FTO: variants seen among roughly 807,000 people sequenced by gnomAD.
The protein encoded by FTO is FTO alpha-ketoglutarate dependent dioxygenase.
In FTO, 47 loss-of-function variants were observed where a neutral mutation model predicts 63.9. The observed-to-expected ratio is 0.74, with a 90% CI of 0.58 to 0.94. The LOEUF (loss-of-function observed/expected upper bound fraction) is 0.94, where lower values mean the gene tolerates loss of function less well. Among genes scored for constraint, FTO ranks in the 40% least tolerant of loss-of-function variants. The pLI, the probability that FTO is intolerant of heterozygous loss-of-function variation, is 0.00. For synonymous variants in FTO, 207 were observed against 224.4 expected (o/e 0.92, Z 0.69); for missense variants, 562 against 618.1 (o/e 0.91, Z 0.96).
At chr16:53,788,221 T>C (rs559206267) in intron 1 of FTO, among the ~76,000 whole-genome samples, 63 of 151,894 alleles carry the variant, frequency 4.1e-4, no homozygotes, top group African/African-American at 1.5e-3. Context: ...TTGTAAATTC[T>C]TTCTCTTTCG....
intron 1 of FTO, among the ~76,000 whole-genome samples, chr16:53,801,376 T>C (rs563190565): frequency 6.6e-6 from 1 of 152,280 alleles, no homozygotes; most frequent in East Asian, 1.9e-4. Flanking sequence ...CTTTGGCCAT[T>C]GTGATGTTGC....
chr16:53,923,130 A>C (rs1161497492), intron 7 of FTO: 3 of 152,176 alleles, frequency 2.0e-5, no homozygotes, highest in Middle Eastern at 3.2e-3. Flanking sequence ...CATAAAGGCC[A>C]AAAAAAGGCT....
intron 7 of FTO, among the ~76,000 whole-genome samples, chr16:53,895,363 C>T (rs2081254121): frequency 6.6e-6 from 1 of 152,068 alleles, no homozygotes; most frequent in Admixed American, 6.6e-5. Context: ...AGGCTTAAGC[C>T]TCAAAAACAC....
At chr16:53,735,182 C>G (rs1227366163) in intron 1 of FTO, among the ~76,000 whole-genome samples, 1 of 152,216 alleles carries the variant, frequency 6.6e-6, no homozygotes, top group African/African-American at 2.4e-5. Context: ...GATATGGCCT[C>G]TGTTACCATG....
chr16:53,722,960 G>T (rs77088450), intron 1 of FTO, among the ~76,000 whole-genome samples: 5 of 152,032 alleles, frequency 3.3e-5, no homozygotes, highest in Non-Finnish European at 7.4e-5. Flanking sequence ...AAAGAGTTAT[G>T]TCTGAACCAC....
chr16:53,885,190 CCT>C (rs2050718893), intron 6 of FTO, among the ~76,000 whole-genome samples: 2 of 152,126 alleles, frequency 1.3e-5, no homozygotes, highest in African/African-American at 4.8e-5. Flanking sequence ...AGCTTTCCTT[CCT>C]AATTTCCAGA....
At chr16:54,014,809 AATT>A (rs2084398124) in intron 8 of FTO, among the ~76,000 whole-genome samples, 2 of 150,486 alleles carry the variant, frequency 1.3e-5, no homozygotes, top group Non-Finnish European at 2.9e-5. Flanking sequence ...AGGCATTTAA[AATT>A]ATTATTATTT....
chr16:53,868,779 A>T (rs959930969), intron 4 of FTO, among the ~76,000 whole-genome samples: 2 of 152,064 alleles, frequency 1.3e-5, no homozygotes, highest in African/African-American at 4.8e-5. Context: ...ACTAGCAACA[A>T]ATTCCCTGAA....
rs1429717228 is a variant in FTO at position 54,115,439 on chromosome 16, A to C, written c.*3524A>C. On this transcript the variant is annotated 3_prime_UTR_variant, in exon 9 of 9. Transcript: ENST00000471389. ...GGAAATAGACAGTAAGCAGCAAATCAATAACAAGAGTGTTCCAGATGGTTG... is the reference window on the plus strand; with the variant it reads ...GGAAATAGACAGTAAGCAGCAAATCCATAACAAGAGTGTTCCAGATGGTTG... 1 of 152,336 alleles carries C rather than the reference A, an allele frequency of 6.6e-6. No individual in the cohort carries two copies. Among genetic ancestry groups the C allele is most frequent in the Non-Finnish European group, 1.5e-5 (1 of 68,146 alleles). The allele number at this position is 152,336 out of a possible 1,614,324, so 9.4% of individuals were successfully genotyped here.
chr16:53,790,760 G>A (rs1722515401), intron 1 of FTO, among the ~76,000 whole-genome samples: 2 of 152,058 alleles, frequency 1.3e-5, no homozygotes, highest in Non-Finnish European at 2.9e-5. Flanking sequence ...CAGAGTTATC[G>A]GTAATGAACT....
chr16:54,011,972 A>G (rs1330333723), intron 8 of FTO, among the ~76,000 whole-genome samples: 1 of 152,228 alleles, frequency 6.6e-6, no homozygotes, highest in East Asian at 1.9e-4. Flanking sequence ...TAATAAAGTT[A>G]TAGCGTCCTC....
chr16:53,799,386 A>C (rs2078162446), intron 1 of FTO, among the ~76,000 whole-genome samples: 1 of 152,162 alleles, frequency 6.6e-6, no homozygotes, highest in Non-Finnish European at 1.5e-5. Context: ...GTCTACTAAA[A>C]AGGGGCTATC....
At chr16:53,703,998 C>G (rs946165715), upstream of FTO, 5 of 680,404 alleles carry the variant, frequency 7.3e-6, no homozygotes, top group Non-Finnish European at 1.3e-5. Flanking sequence ...GGGAAATTCT[C>G]CTGTGCTAAA....
At chr16:53,897,774 A>T (rs1243203620) in intron 7 of FTO, among the ~76,000 whole-genome samples, 1 of 152,150 alleles carries the variant, frequency 6.6e-6, no homozygotes, top group African/African-American at 2.4e-5. Flanking sequence ...ATCCAGTAAT[A>T]AATATCTCAA....
intron 8 of FTO, among the ~76,000 whole-genome samples, chr16:54,053,662 T>G (rs1279516051): frequency 2.0e-5 from 3 of 152,200 alleles, no homozygotes; most frequent in Non-Finnish European, 4.4e-5. Context: ...TCAACATTTG[T>G]TGGGCTCCAA....
At position 53,911,341 on chromosome 16, in the gene FTO, G is replaced by A. The variant is rs1319636107; in HGVS notation, c.1239+22390G>A. 8 of 702,586 alleles carry A rather than the reference G, an allele frequency of 1.1e-5. No individual in the cohort carries two copies. The South Asian group carries it at 1.2e-4, about 10-fold the overall frequency. The allele number at this position is 702,586 out of a possible 1,614,324, so 43.5% of individuals were successfully genotyped here. A position where few individuals can be genotyped will look rare whatever the true frequency, so the allele number is the denominator to read the frequency against. On this transcript the variant is annotated intron_variant, in intron 7 of 8. Coordinates refer to ENST00000471389, the MANE Select transcript of FTO (RefSeq NM_001080432.3). ...GTCAGTGGAACAGCCAGAGATAGCA[G>A]CGAGAGAGGTGAGAAGAGGACCAGG...
intron 8 of FTO, among the ~76,000 whole-genome samples, chr16:54,073,006 G>T (rs1270802757): frequency 6.6e-6 from 1 of 152,188 alleles, no homozygotes; most frequent in African/African-American, 2.4e-5. Flanking sequence ...AAGAGAGAAG[G>T]ACCTTATTAG....
rs1254596324 is a variant in FTO at position 54,111,814 on chromosome 16, C to T, written c.1417C>T (p.Arg473Trp). 2 of 1,614,090 alleles carry T rather than the reference C, an allele frequency of 1.2e-6. No homozygotes were observed. Among genetic ancestry groups the T allele is most frequent in the Non-Finnish European group, 1.7e-6 (2 of 1,179,982 alleles). The part of the protein sequence containing the change: ...TLPADQKPEC[R>W]PYWEKDDASM... ...ACCTGCTGATCAGAAGCCAGAATGT[C>T]GGCCATACTGGGAAAAGGATGATGC... Residue 473 changes from arginine to tryptophan, a missense_variant, in exon 9 of 9, where the codon CGG becomes TGG. Arg to Trp is a moderately radical substitution (Grantham distance 101). Coordinates refer to ENST00000471389, the MANE Select transcript of FTO (RefSeq NM_001080432.3).
chr16:53,957,507 T>C (rs2082958306), intron 8 of FTO, among the ~76,000 whole-genome samples: 1 of 152,256 alleles, frequency 6.6e-6, no homozygotes, highest in Non-Finnish European at 1.5e-5. Flanking sequence ...AGTAGTGGAA[T>C]AGGGTCTGTG....
Sources: allele counts gnomAD v4.1 joint callset (sites outside exome capture counted in the v4.1 genomes callset), GRCh38; gene constraint gnomAD v4.1.1; transcripts MANE v1.5; gene names NCBI Gene and HGNC (gene_info 2026-07-23, HGNC 2026-07-21).